The following GPC6 variants were observed in gnomAD, a reference collection of about 807,000 sequenced individuals.
The protein encoded by GPC6 is glypican 6.
GPC6 carries 14 observed loss-of-function variants against 55.2 expected under a neutral mutation model. The ratio of observed to expected loss-of-function variants is 0.25; its 90% confidence interval spans 0.17 to 0.40. GPC6 has a LOEUF of 0.40. Ranked by LOEUF, GPC6 falls within the 10% of genes least tolerant of loss-of-function variation. GPC6 has a pLI of 1.00. For synonymous variants in GPC6, 278 were observed against 259.6 expected (o/e 1.07, Z -0.68); for missense variants, 641 against 708.5 (o/e 0.90, Z 1.08).
rs528068698 is a variant in GPC6 at position 93,416,648 on chromosome 13, G to C, written c.161-128615G>C. Among the ~76,000 whole-genome samples the C allele has an allele frequency of 3.3e-5, 5 of 152,064 alleles. No homozygotes were observed. In the South Asian group the frequency reaches 1.0e-3, roughly 32 times the overall value. On this transcript the variant is annotated intron_variant, in intron 1 of 8. Transcript: ENST00000377047. ...AAATTGTAGGTCTTATACATTCTTC[G>C]AAACTATTTTTTTGGAACCCATTAA...
intron 3 of GPC6, among the ~76,000 whole-genome samples, chr13:93,962,381 C>T (rs1285447313): frequency 3.9e-5 from 6 of 151,960 alleles, no homozygotes; most frequent in Admixed American, 3.9e-4. Context: ...AAAGTTACCC[C>T]AGATCATTTA....
At chr13:94,253,017 C>G (rs1363483713) in intron 4 of GPC6, among the ~76,000 whole-genome samples, 15 of 151,434 alleles carry the variant, frequency 9.9e-5, no homozygotes. Context: ...AGACTGGTGT[C>G]AGGAATGATA....
chr13:93,577,740 A>G (rs1422634077), intron 2 of GPC6, among the ~76,000 whole-genome samples: 1 of 151,848 alleles, frequency 6.6e-6, no homozygotes, highest in Non-Finnish European at 1.5e-5. Flanking sequence ...AGGACTTCCA[A>G]TCTTATGTTA....
At chr13:94,294,453 A>AC (rs2139096555) in intron 5 of GPC6, among the ~76,000 whole-genome samples, 1 of 151,740 alleles carries the variant, frequency 6.6e-6, no homozygotes, top group Admixed American at 6.6e-5. Context: ...AAAAAAAAAA[A>AC]AAACCCTAAG....
intron 3 of GPC6, among the ~76,000 whole-genome samples, chr13:93,928,739 C>T (rs907292125): frequency 6.6e-6 from 1 of 151,758 alleles, no homozygotes; most frequent in Non-Finnish European, 1.5e-5. Flanking sequence ...ACTAGTATGA[C>T]GAGGTAGACA....
intron 2 of GPC6, among the ~76,000 whole-genome samples, chr13:93,553,719 A>AGAGGAATG (rs1171319622): frequency 1.5e-5 from 2 of 137,104 alleles, no homozygotes; most frequent in Non-Finnish European, 3.1e-5. Flanking sequence ...AAAAAAAAGG[A>AGAGGAATG]GAGGAATGAG....
intron 1 of GPC6, among the ~76,000 whole-genome samples, chr13:93,472,014 T>C (rs1566374795): frequency 1.3e-5 from 2 of 152,218 alleles, no homozygotes; most frequent in Non-Finnish European, 2.9e-5. Flanking sequence ...TCTATTTCTA[T>C]TTTCACAATT....
chr13:93,444,848 T>C (rs932001435), intron 1 of GPC6, among the ~76,000 whole-genome samples: 1 of 152,252 alleles, frequency 6.6e-6, no homozygotes, highest in African/African-American at 2.4e-5. Context: ...TTTTATTATT[T>C]CCAAATATGT....
chr13:93,676,125 AAATATATATATATATAT>A (rs1309320899), intron 2 of GPC6, among the ~76,000 whole-genome samples: 15 of 34,010 alleles, frequency 4.4e-4, no homozygotes, highest in African/African-American at 1.7e-3. Flanking sequence ...AAAAAAAAAA[AAATATATATATATATAT>A]ATATATATAT....
At chr13:94,084,037 C>T (rs1885198658) in intron 4 of GPC6, among the ~76,000 whole-genome samples, 1 of 152,198 alleles carries the variant, frequency 6.6e-6, no homozygotes, top group Admixed American at 6.5e-5. Context: ...ACTTGAACCT[C>T]ATATTACTAT....
chr13:94,218,546 T>G (rs1474536776), intron 4 of GPC6, among the ~76,000 whole-genome samples: 2 of 152,126 alleles, frequency 1.3e-5, no homozygotes, highest in Admixed American at 1.3e-4. Context: ...ATCTACTTGT[T>G]AAATTGTTTT....
chr13:93,736,304 C>T (rs944755232), intron 2 of GPC6, among the ~76,000 whole-genome samples: 2 of 152,174 alleles, frequency 1.3e-5, no homozygotes, highest in Admixed American at 6.5e-5. Flanking sequence ...AGCAAGTTCT[C>T]ATCTCCTAAA....
At chr13:93,900,090 T>C (rs1218480037) in intron 3 of GPC6, among the ~76,000 whole-genome samples, 2 of 152,178 alleles carry the variant, frequency 1.3e-5, no homozygotes, top group East Asian at 1.9e-4. Context: ...AGATAGCTGA[T>C]GAAATTCGTG....
At chr13:93,971,181 G>T (rs1880268179) in intron 3 of GPC6, among the ~76,000 whole-genome samples, 1 of 152,068 alleles carries the variant, frequency 6.6e-6, no homozygotes, top group Non-Finnish European at 1.5e-5. Context: ...TAAAGCCAAG[G>T]CACTAACTCT....
chr13:94,131,690 C>T (rs1887006850), intron 4 of GPC6, among the ~76,000 whole-genome samples: 1 of 151,818 alleles, frequency 6.6e-6, no homozygotes, highest in Admixed American at 6.6e-5. Flanking sequence ...TGTTAAAATT[C>T]TTGAAACCTG....
At chr13:93,421,402 G>C (rs1422202846) in intron 1 of GPC6, among the ~76,000 whole-genome samples, 1 of 151,634 alleles carries the variant, frequency 6.6e-6, no homozygotes, top group Non-Finnish European at 1.5e-5. Flanking sequence ...TAGCATTATT[G>C]TTATTTTGTT....
chr13:93,466,257 A>G (rs1878900571), intron 1 of GPC6, among the ~76,000 whole-genome samples: 1 of 152,216 alleles, frequency 6.6e-6, no homozygotes, highest in Admixed American at 6.5e-5. Context: ...GTGAAGTACA[A>G]TAAAATGAAG....
At chr13:93,567,511 G>C (rs1876191528) in intron 2 of GPC6, among the ~76,000 whole-genome samples, 2 of 151,548 alleles carry the variant, frequency 1.3e-5, no homozygotes, top group South Asian at 2.1e-4. Context: ...TTTTAGTAGA[G>C]ACAGGGTGTC....
intron 4 of GPC6, among the ~76,000 whole-genome samples, chr13:94,207,473 A>C (rs1889938583): frequency 6.6e-6 from 1 of 152,190 alleles, no homozygotes; most frequent in South Asian, 2.1e-4. Flanking sequence ...TGGCTGGTAA[A>C]TGATTCCAAC....
Sources: allele counts gnomAD v4.1 joint callset (sites outside exome capture counted in the v4.1 genomes callset), GRCh38; gene constraint gnomAD v4.1.1; transcripts MANE v1.5; gene names NCBI Gene and HGNC (gene_info 2026-07-23, HGNC 2026-07-21).